Variants in PRIMA1 observed in about 807,000 individuals in gnomAD.
The protein encoded by PRIMA1 is proline rich membrane anchor 1.
A neutral mutation model predicts 17.5 loss-of-function variants in PRIMA1; 7 were observed. The ratio of observed to expected loss-of-function variants is 0.40; its 90% confidence interval spans 0.23 to 0.75. The LOEUF (loss-of-function observed/expected upper bound fraction) is 0.75. Ranked by LOEUF, PRIMA1 falls within the 30% of genes least tolerant of loss-of-function variation. The pLI is 0.37. For synonymous variants in PRIMA1, 97 were observed against 77.9 expected (o/e 1.25, Z -1.29); for missense variants, 200 against 201.8 (o/e 0.99, Z 0.05).
intron 3 of PRIMA1, among the ~76,000 whole-genome samples, chr14:93,759,950 C>A (rs1479622312): frequency 6.6e-6 from 1 of 152,248 alleles, no homozygotes; most frequent in Non-Finnish European, 1.5e-5. Flanking sequence ...CTGGGCTCCT[C>A]CTCCAGGGGC....
Position 93,721,548 on chromosome 14 carries a change from T to C in PRIMA1, c.360-2A>G, listed in dbSNP as rs758743052. 1 of 1,604,380 alleles carries C rather than the reference T, an allele frequency of 6.2e-7. No individual in the cohort carries two copies. The highest frequency in any genetic ancestry group is 2.2e-5 in the East Asian group (1 of 44,760). ...TTTTCGTCTTTTCTCAGTGGTTTCCTGGAAGTGGGGGGAGGGGACAGGAAA... is the reference window on the plus strand; with the variant it reads ...TTTTCGTCTTTTCTCAGTGGTTTCCCGGAAGTGGGGGGAGGGGACAGGAAA... On this transcript the variant is annotated splice_acceptor_variant, in intron 4 of 4. Coordinates refer to ENST00000393140, the MANE Select transcript of PRIMA1 (RefSeq NM_178013.4). LOFTEE classifies it high-confidence loss of function.
chr14:93,770,398 T>G (rs1885024980), intron 3 of PRIMA1, among the ~76,000 whole-genome samples: 1 of 152,228 alleles, frequency 6.6e-6, no homozygotes, highest in Non-Finnish European at 1.5e-5. Context: ...TGCCTCCCTG[T>G]GGGCTCACCT....
rs2076025245 is a variant in PRIMA1 at position 93,719,757 on chromosome 14, CCCAGGTGT to C, written c.*1679_*1686del. On this transcript the variant is annotated 3_prime_UTR_variant, in exon 5 of 5. Coordinates refer to ENST00000393140, the MANE Select transcript of PRIMA1 (RefSeq NM_178013.4). ...AGCAGGGGGTGGCACTATGCTGATG[CCCAGGTGT>C]CCAGGGGAAGCAAAATTCAAATCTA... The C allele has an allele frequency of 6.6e-6, 1 of 152,356 alleles. No individual in the cohort carries two copies. Among genetic ancestry groups the C allele is most frequent in the South Asian group, 2.1e-4 (1 of 4,832 alleles). 9.4% of individuals were successfully genotyped at this position (152,356 alleles called of 1,614,324 possible).
Position 93,779,164 on chromosome 14 carries a change from G to T in PRIMA1, c.229+12C>A. The stretch of plus-strand genomic sequence containing the variant: ...AAAGAGAAACCCGAAAATGGAGTGA[G>T]CCATTACTTACCTGGGGCGGAGAGG... On this transcript the variant is annotated intron_variant, in intron 3 of 4. Transcript: ENST00000393140. 1 of 1,316,050 alleles carries T rather than the reference G, an allele frequency of 7.6e-7. No homozygotes were observed. The highest frequency in any genetic ancestry group is 9.7e-7 in the Non-Finnish European group (1 of 1,026,084). 81.5% of individuals were successfully genotyped at this position (1,316,050 alleles called of 1,614,324 possible).
chr14:93,749,165 A>G (rs1026740424), intron 3 of PRIMA1, among the ~76,000 whole-genome samples: 2 of 152,146 alleles, frequency 1.3e-5, no homozygotes, highest in African/African-American at 4.8e-5. Flanking sequence ...CAGATCTGCC[A>G]GGCCTTCTGT....
chr14:93,725,340 G>A (rs986386265), intron 4 of PRIMA1, among the ~76,000 whole-genome samples: 14 of 152,220 alleles, frequency 9.2e-5, no homozygotes, highest in South Asian at 6.2e-4. Context: ...TCCTGCCACC[G>A]GAGCTGAGTC....
rs144236481 is a variant in PRIMA1 at position 93,719,920 on chromosome 14, C to T, written c.*1524G>A. 6.6e-6 allele frequency: 1 copy of T among 152,296 alleles called. No individual in the cohort carries two copies. The highest frequency in any genetic ancestry group is 6.5e-5 in the Admixed American group (1 of 15,286). The allele number at this position is 152,296 out of a possible 1,614,324, so 9.4% of individuals were successfully genotyped here. A position where few individuals can be genotyped will look rare whatever the true frequency, so the allele number is the denominator to read the frequency against. On this transcript the variant is annotated 3_prime_UTR_variant, in exon 5 of 5. Transcript: ENST00000393140. Reference sequence around the variant, plus strand: ...GCAGGACAATGACACACAGACAGCTCCGTGGGCACTAGGACTCTGGGACAA... The same window carrying T: ...GCAGGACAATGACACACAGACAGCTTCGTGGGCACTAGGACTCTGGGACAA...
At chr14:93,741,136 G>A (rs2076182005) in intron 3 of PRIMA1, among the ~76,000 whole-genome samples, 1 of 152,240 alleles carries the variant, frequency 6.6e-6, no homozygotes, top group South Asian at 2.1e-4. Context: ...GAAACCTAGT[G>A]AAGGCATACA....
intron 3 of PRIMA1, among the ~76,000 whole-genome samples, chr14:93,744,250 C>G (rs1391796696): frequency 6.6e-6 from 1 of 152,240 alleles, no homozygotes; most frequent in African/African-American, 2.4e-5. Flanking sequence ...CTCAGGGCCC[C>G]CAGCCCCAAG....
intron 3 of PRIMA1, among the ~76,000 whole-genome samples, chr14:93,752,368 C>T (rs2076265104): frequency 1.3e-5 from 2 of 152,344 alleles, no homozygotes; most frequent in South Asian, 4.1e-4. Flanking sequence ...CCGCCCCCGG[C>T]AAGCCAACGC....
chr14:93,788,835 G>C (rs560100293), upstream of PRIMA1, among the ~76,000 whole-genome samples: 29 of 151,914 alleles, frequency 1.9e-4, no homozygotes, highest in African/African-American at 6.5e-4. Context: ...GCCTGGAGCC[G>C]GCCGCGCGAG....
chr14:93,766,012 A>C (rs2141183532), intron 3 of PRIMA1, among the ~76,000 whole-genome samples: 1 of 152,348 alleles, frequency 6.6e-6, no homozygotes, highest in Admixed American at 6.5e-5. Context: ...AGAAAAGAAG[A>C]AGCCAAAAGT....
chr14:93,739,789 C>T (rs568907354), intron 3 of PRIMA1, among the ~76,000 whole-genome samples: 1 of 152,076 alleles, frequency 6.6e-6, no homozygotes, highest in Non-Finnish European at 1.5e-5. Flanking sequence ...GAAATTCTTC[C>T]TGATGGTGGT....
rs530352258 is a variant in PRIMA1 at position 93,776,043 on chromosome 14, T to C, written c.229+3133A>G. On this transcript the variant is annotated intron_variant, in intron 3 of 4. Transcript: ENST00000393140. ...TACTGGGAAACAGAAGGTCTCTTCC[T>C]AGGGATATTACTGCCTGTAAGAATG... Among the ~76,000 whole-genome samples, 104 of 152,320 alleles carry C rather than the reference T, an allele frequency of 6.8e-4. 2 individuals are homozygous for C. Among genetic ancestry groups the C allele is most frequent in the Non-Finnish European group, 1.1e-3 (73 of 68,036 alleles).
intron 3 of PRIMA1, among the ~76,000 whole-genome samples, chr14:93,755,584 T>G (rs1007053461): frequency 6.6e-6 from 1 of 152,194 alleles, no homozygotes; most frequent in Non-Finnish European, 1.5e-5. Context: ...TAGAGAAATA[T>G]CGTTGGGCAC....
At position 93,734,782 on chromosome 14, in the gene PRIMA1, A is replaced by C. The variant is rs995880300; in HGVS notation, c.359+2459T>G. On this transcript the variant is annotated intron_variant, in intron 4 of 4. Transcript: ENST00000393140. ...GCCCCTGGAAGAAGCCCACTATCTG[A>C]AGTCTGGTCCACTGAGCCATCTGGG... Among the ~76,000 whole-genome samples, 21 of 129,674 alleles carry C rather than the reference A, an allele frequency of 1.6e-4. No homozygotes were observed. In the East Asian group the frequency reaches 2.5e-3, roughly 15 times the overall value. The allele number at this position is 129,674 out of a possible 152,430, so 85.1% of individuals were successfully genotyped here.
At position 93,719,329 on chromosome 14, in the gene PRIMA1, G is replaced by A. The variant is rs1220764351; in HGVS notation, c.*2115C>T. 2.0e-5 allele frequency: 3 copies of A among 152,240 alleles called. No individual in the cohort carries two copies. The highest frequency in any genetic ancestry group is 4.8e-5 in the African/African-American group (2 of 41,470). 9.4% of individuals were successfully genotyped at this position (152,240 alleles called of 1,614,324 possible). ...TCCAGGCCTCCTAGGTTTAAGCCAA[G>A]GTAGGGAATGATGGGACCAGGCGAG... On this transcript the variant is annotated 3_prime_UTR_variant, in exon 5 of 5. Coordinates refer to ENST00000393140, the MANE Select transcript of PRIMA1 (RefSeq NM_178013.4).
chr14:93,771,138 G>GCA (rs1885050815), intron 3 of PRIMA1, among the ~76,000 whole-genome samples: 1 of 143,114 alleles, frequency 7.0e-6, no homozygotes. Context: ...GCATGTGCAC[G>GCA]TATGTGTGTG....
intron 4 of PRIMA1, 32 bp downstream of exon 4, chr14:93,737,209 C>T (rs1441029333): frequency 1.4e-5 from 23 of 1,610,848 alleles, no homozygotes; most frequent in Non-Finnish European, 2.0e-5. Context: ...TTCCCTTCGG[C>T]TTGAAGCTGG....
Sources: allele counts gnomAD v4.1 joint callset (sites outside exome capture counted in the v4.1 genomes callset), GRCh38; gene constraint gnomAD v4.1.1; transcripts MANE v1.5; gene names NCBI Gene and HGNC (gene_info 2026-07-23, HGNC 2026-07-21).